USP25: variants seen among roughly 807,000 people sequenced by gnomAD.
USP25 encodes ubiquitin specific peptidase 25, also known as ubiquitin carboxyl-terminal hydrolase 25.
In USP25, 85 loss-of-function variants were observed where a neutral mutation model predicts 158.5. The ratio of observed to expected loss-of-function variants is 0.54; its 90% CI spans 0.45 to 0.64. USP25 has a LOEUF of 0.64. Ranked by LOEUF, USP25 falls within the 30% of genes least tolerant of loss-of-function variation. The pLI is 0.00. For synonymous variants in USP25, 464 were observed against 460.4 expected (o/e 1.01, Z -0.10); for missense variants, 1,242 against 1,327.3 (o/e 0.94, Z 1.00).
intron 1 of USP25, among the ~76,000 whole-genome samples, chr21:15,754,168 T>G (rs181952830): frequency 1.6e-3 from 246 of 152,296 alleles, no homozygotes; most frequent in Non-Finnish European, 2.9e-3. Context: ...AAGAAGTATA[T>G]TTTTGGGTGG....
At position 15,752,191 on chromosome 21, in the gene USP25, G is replaced by A. The variant is rs28627638; in HGVS notation, c.46-10700G>A. Among the ~76,000 whole-genome samples, 837 of 151,934 alleles carry A rather than the reference G, an allele frequency of 5.5e-3. 7 individuals carry two copies. The highest frequency in any genetic ancestry group is 0.018 in the African/African-American group (738 of 41,424). ...CAGGTGATCTGCCTGCCTCGGCCTC[G>A]CAAAGTGTTGGGATTACAGGCGTGA... On this transcript the variant is annotated intron_variant, in intron 1 of 25. Transcript: ENST00000400183.
chr21:15,787,860 C>A, intron 4 of USP25, among the ~76,000 whole-genome samples: 1 of 149,460 alleles, frequency 6.7e-6, no homozygotes, highest in African/African-American at 2.5e-5. Flanking sequence ...CTGCTATAGG[C>A]AATTTAACAA....
At chr21:15,758,369 G>C (rs1344721519) in intron 1 of USP25, among the ~76,000 whole-genome samples, 1 of 152,118 alleles carries the variant, frequency 6.6e-6, no homozygotes, top group African/African-American at 2.4e-5. Flanking sequence ...GAGGGACCAG[G>C]TGGAAATAAT....
intron 24 of USP25, chr21:15,876,994 C>G (rs1249531822): frequency 6.6e-6 from 1 of 152,000 alleles, no homozygotes; most frequent in East Asian, 1.9e-4. Context: ...TTTCTCTGTT[C>G]TACTAGATCA....
chr21:15,783,775 G>A (rs1474840060), intron 4 of USP25, among the ~76,000 whole-genome samples: 3 of 149,502 alleles, frequency 2.0e-5, no homozygotes, highest in Non-Finnish European at 4.4e-5. Context: ...GGTTAACATG[G>A]TGAAACCCCG....
intron 1 of USP25, among the ~76,000 whole-genome samples, chr21:15,753,038 TAAG>T (rs1035666448): frequency 1.3e-5 from 2 of 152,204 alleles, no homozygotes; most frequent in Non-Finnish European, 2.9e-5. Flanking sequence ...TTGTCACAAA[TAAG>T]GAGAATACTT....
At chr21:15,835,772 C>G (rs76419553) in intron 17 of USP25, among the ~76,000 whole-genome samples, 34 of 152,240 alleles carry the variant, frequency 2.2e-4, no homozygotes, top group Admixed American at 5.2e-4. Flanking sequence ...ATAGACTTGA[C>G]GGAAATATGC....
chr21:15,748,439 C>G (rs1286096806), intron 1 of USP25, among the ~76,000 whole-genome samples: 1 of 150,888 alleles, frequency 6.6e-6, no homozygotes, highest in African/African-American at 2.4e-5. Flanking sequence ...GTACCATCCA[C>G]CCAGCTACTT....
Position 15,833,585 on chromosome 21 carries a change from A to G in USP25, c.2194+37A>G, listed in dbSNP as rs192906676. On this transcript the variant is annotated intron_variant, in intron 17 of 25. Transcript: ENST00000400183. The stretch of plus-strand genomic sequence containing the variant: ...TTTATTAAGTTGTGTTTGATTATCA[A>G]TATTATTTTTATAATAAGATATGCT... 196 of 1,549,690 alleles carry G rather than the reference A, an allele frequency of 1.3e-4. 1 individual carries two copies. The African/African-American group carries it at 1.5e-3, about 12-fold the overall frequency.
At chr21:15,808,286 G>C (rs984792151) in intron 7 of USP25, among the ~76,000 whole-genome samples, 1 of 152,272 alleles carries the variant, frequency 6.6e-6, no homozygotes, top group Middle Eastern at 3.4e-3. Context: ...CATGGTGAAA[G>C]GTGATAAATG....
At chr21:15,733,428 TAA>T (rs929319717) in intron 1 of USP25, among the ~76,000 whole-genome samples, 11 of 152,064 alleles carry the variant, frequency 7.2e-5, no homozygotes, top group African/African-American at 2.7e-4. Context: ...TCTTGGAATT[TAA>T]AAATTATTGA....
intron 18 of USP25, among the ~76,000 whole-genome samples, chr21:15,844,378 C>G (rs1382179154): frequency 2.6e-5 from 4 of 152,026 alleles, no homozygotes; most frequent in Non-Finnish European, 5.9e-5. Flanking sequence ...AATAAATTGC[C>G]AAATTTCTCC....
chr21:15,802,535 C>T (rs910548113), intron 6 of USP25, among the ~76,000 whole-genome samples: 22 of 151,372 alleles, frequency 1.5e-4, no homozygotes, highest in African/African-American at 5.1e-4. Context: ...AGTAATTCAC[C>T]TCTAAATATC....
chr21:15,808,911 G>A, intron 8 of USP25, 26 bp downstream of exon 8: 1 of 1,542,000 alleles, frequency 6.5e-7, no homozygotes, highest in Non-Finnish European at 8.9e-7. Context: ...GTTTAGCAAT[G>A]GGGTTTTAGG....
intron 23 of USP25, among the ~76,000 whole-genome samples, chr21:15,872,014 G>GT (rs1158862222): frequency 0.1 from 7,134 of 71,562 alleles, 609 homozygotes; most frequent in African/African-American, 0.18. Context: ...AAGAAATACT[G>GT]TTTTTTTTTT....
intron 17 of USP25, among the ~76,000 whole-genome samples, chr21:15,837,604 T>A (rs1171443005): frequency 1.3e-5 from 2 of 152,198 alleles, no homozygotes; most frequent in Non-Finnish European, 2.9e-5. Context: ...GAAATTATGC[T>A]GGAGAGAAGA....
intron 20 of USP25, among the ~76,000 whole-genome samples, chr21:15,860,906 A>T (rs533668484): frequency 6.6e-6 from 1 of 151,198 alleles, no homozygotes; most frequent in South Asian, 2.1e-4. Flanking sequence ...ATAAATGTTT[A>T]TATTTTTGGT....
At chr21:15,811,275 A>T in intron 9 of USP25, 65 bp downstream of exon 9, 5 of 1,416,576 alleles carry the variant, frequency 3.5e-6, no homozygotes, top group Non-Finnish European at 4.9e-6. Flanking sequence ...ATTCGTCTCG[A>T]TAGTTACTAT....
Position 15,757,728 on chromosome 21 carries a change from C to G in USP25, c.46-5163C>G, listed in dbSNP as rs141991722. Among the ~76,000 whole-genome samples, 87 of 152,320 alleles carry G rather than the reference C, an allele frequency of 5.7e-4. 2 individuals are homozygous for G. In the East Asian group the frequency reaches 0.017, roughly 29 times the overall value. On this transcript the variant is annotated intron_variant, in intron 1 of 25. Transcript: ENST00000400183. Reference sequence around the variant, plus strand: ...GCTAGCCCAGCGATGCAGGTAGTTTCATGTCTGCTTGCATGCTGGCTGCTA... The same window carrying G: ...GCTAGCCCAGCGATGCAGGTAGTTTGATGTCTGCTTGCATGCTGGCTGCTA...
Sources: allele counts gnomAD v4.1 joint callset (sites outside exome capture counted in the v4.1 genomes callset), GRCh38; gene constraint gnomAD v4.1.1; transcripts MANE v1.5; gene names NCBI Gene and HGNC (gene_info 2026-07-23, HGNC 2026-07-21).